NOS1AP: variants seen among roughly 807,000 people sequenced by gnomAD.
The protein encoded by NOS1AP is nitric oxide synthase 1 adaptor protein.
In NOS1AP, 21 loss-of-function variants were observed where a neutral mutation model predicts 56.2. The observed-to-expected ratio is 0.37, with a 90% CI of 0.26 to 0.54. The LOEUF is 0.54. NOS1AP is among the 20% of genes least tolerant of loss of function. NOS1AP has a pLI of 0.84. For missense variants in NOS1AP, 522 were observed against 657.8 expected, an observed-to-expected ratio of 0.79 and a Z score of 2.26; for synonymous variants, 270 against 274.6, an observed-to-expected ratio of 0.98 and a Z score of 0.17.
intron 2 of NOS1AP, among the ~76,000 whole-genome samples, chr1:162,240,015 CT>C (rs1477543464): frequency 6.6e-6 from 1 of 152,176 alleles, no homozygotes; most frequent in Non-Finnish European, 1.5e-5. Context: ...TTCCCAGTGC[CT>C]GGATTGGTGC....
intron 2 of NOS1AP, among the ~76,000 whole-genome samples, chr1:162,258,073 C>T (rs73019425): frequency 6.6e-6 from 1 of 152,036 alleles, no homozygotes; most frequent in Non-Finnish European, 1.5e-5. Flanking sequence ...AATGTACAGG[C>T]CTGTTTGCTT....
At chr1:162,268,690 A>G (rs1654496231) in intron 2 of NOS1AP, among the ~76,000 whole-genome samples, 2 of 152,326 alleles carry the variant, frequency 1.3e-5, no homozygotes, top group South Asian at 4.1e-4. Flanking sequence ...AGAAAATAGA[A>G]TTAAGACACT....
intron 2 of NOS1AP, among the ~76,000 whole-genome samples, chr1:162,223,016 T>G (rs1652833328): frequency 6.6e-6 from 1 of 152,264 alleles, no homozygotes; most frequent in African/African-American, 2.4e-5. Flanking sequence ...TCAGCTCATT[T>G]ATTGGTAATA....
intron 1 of NOS1AP, among the ~76,000 whole-genome samples, chr1:162,153,509 T>G (rs1571069688): frequency 1.3e-5 from 2 of 152,192 alleles, no homozygotes; most frequent in East Asian, 3.8e-4. Flanking sequence ...GGGCTCAAAC[T>G]TGGCTAGATG....
intron 1 of NOS1AP, among the ~76,000 whole-genome samples, chr1:162,093,196 G>T (rs919902027): frequency 1.3e-5 from 2 of 152,138 alleles, no homozygotes; most frequent in African/African-American, 4.8e-5. Flanking sequence ...TCCCCTATCT[G>T]AGCAGGGGAT....
At position 162,070,210 on chromosome 1, in the gene NOS1AP, C is replaced by A; in HGVS notation, c.33C>A (p.Asp11Glu). ...GCAAAACCAAGTACAACCTTGTGGA[C>A]GATGGGCACGACCTGCGGATCCCCT... MPSKTKYNLVDDGHDLRIPLH... is the reference protein window; with the variant it reads MPSKTKYNLVEDGHDLRIPLH... Residue 11 changes from aspartate to glutamate, a missense_variant, in exon 1 of 10, where the codon GAC (aspartate) becomes GAA (glutamate). By Grantham distance (45) the Asp-to-Glu change is conservative. Transcript: ENST00000361897. 7 of 1,614,078 alleles carry A rather than the reference C, an allele frequency of 4.3e-6. No homozygotes were observed. Among genetic ancestry groups the A allele is most frequent in the Non-Finnish European group, 5.9e-6 (7 of 1,179,958 alleles).
chr1:162,117,411 T>C (rs1011980912), intron 1 of NOS1AP, among the ~76,000 whole-genome samples: 9 of 152,154 alleles, frequency 5.9e-5, no homozygotes, highest in African/African-American at 1.7e-4. Flanking sequence ...CAATTTGCCA[T>C]TAGTGTTTCT....
At chr1:162,205,919 TA>T (rs1652147681) in intron 2 of NOS1AP, among the ~76,000 whole-genome samples, 1 of 152,216 alleles carries the variant, frequency 6.6e-6, no homozygotes, top group Non-Finnish European at 1.5e-5. Context: ...AGCCTTGTTA[TA>T]CTGCTACTCT....
intron 8 of NOS1AP, among the ~76,000 whole-genome samples, chr1:162,361,389 G>A (rs184931055): frequency 4.6e-5 from 7 of 152,288 alleles, no homozygotes; most frequent in Admixed American, 2.0e-4. Context: ...AAGGTTTCAC[G>A]TAACGCTGCC....
chr1:162,186,423 A>C (rs111269125), intron 2 of NOS1AP, among the ~76,000 whole-genome samples: 188 of 152,150 alleles, frequency 1.2e-3, no homozygotes, highest in Middle Eastern at 3.4e-3. Flanking sequence ...CAAAACAAAA[A>C]AAAACAAAAA....
In NOS1AP at chr1:162,112,176, T is replaced by C. The variant is rs866812031; in HGVS notation, c.105+41894T>C. Among the ~76,000 whole-genome samples, 9 of 152,222 alleles carry C rather than the reference T, an allele frequency of 5.9e-5. No individual in the cohort carries two copies. In the South Asian group the frequency reaches 8.3e-4, roughly 14 times the overall value. ...TGTAATCACACTTCTCAGATCTGCCTCCTTGTCATCAGCCTACCTCCCTCT... is the reference window on the plus strand; with the variant it reads ...TGTAATCACACTTCTCAGATCTGCCCCCTTGTCATCAGCCTACCTCCCTCT... On this transcript the variant is annotated intron_variant, in intron 1 of 9. Coordinates refer to ENST00000361897, the MANE Select transcript of NOS1AP (RefSeq NM_014697.3).
intron 1 of NOS1AP, among the ~76,000 whole-genome samples, chr1:162,109,297 T>C (rs1647625237): frequency 6.6e-6 from 1 of 152,164 alleles, no homozygotes; most frequent in African/African-American, 2.4e-5. Flanking sequence ...TTTAACAATT[T>C]TGAGACAACC....
At chr1:162,177,787 T>G (rs1444070991) in intron 2 of NOS1AP, among the ~76,000 whole-genome samples, 1 of 152,202 alleles carries the variant, frequency 6.6e-6, no homozygotes, top group African/African-American at 2.4e-5. Context: ...TCCCCCACTT[T>G]AAACATTCCA....
chr1:162,112,058 G>A (rs1430782627), intron 1 of NOS1AP, among the ~76,000 whole-genome samples: 1 of 152,210 alleles, frequency 6.6e-6, no homozygotes, highest in Non-Finnish European at 1.5e-5. Flanking sequence ...TCTGCAGCCT[G>A]TGGTCACTGA....
intron 7 of NOS1AP, 55 bp from the exon 8 acceptor site, chr1:162,356,905 C>T (rs925153342): frequency 1.9e-6 from 3 of 1,612,454 alleles, no homozygotes; most frequent in African/African-American, 2.7e-5. Context: ...GAGAGGGAGG[C>T]CCCTCAAGAT....
At chr1:162,317,741 A>G (rs1656276692) in intron 4 of NOS1AP, 1 of 152,240 alleles carries the variant, frequency 6.6e-6, no homozygotes. Flanking sequence ...TTTTGATTTC[A>G]CGTACTGTCC....
chr1:162,191,049 G>A (rs1032646074), intron 2 of NOS1AP, among the ~76,000 whole-genome samples: 1 of 152,090 alleles, frequency 6.6e-6, no homozygotes, highest in Non-Finnish European at 1.5e-5. Flanking sequence ...ATGGGCAGGG[G>A]CCCTGTGTGG....
Position 162,356,836 on chromosome 1 carries a change from G to A in NOS1AP, c.763-124G>A, listed in dbSNP as rs187108195. 91 of 1,595,428 alleles carry A rather than the reference G, an allele frequency of 5.7e-5. No homozygotes were observed. The East Asian group carries it at 1.9e-3, about 33-fold the overall frequency. On this transcript the variant is annotated intron_variant, in intron 7 of 9. Coordinates refer to ENST00000361897, the MANE Select transcript of NOS1AP (RefSeq NM_014697.3). Reference sequence around the variant, plus strand: ...TACTCCCATTTCCATTGAAGATATAGTGCTGTCAGCTTATGGGTTGTAAGT... The same window carrying A: ...TACTCCCATTTCCATTGAAGATATAATGCTGTCAGCTTATGGGTTGTAAGT...
At chr1:162,351,862 C>T (rs1262417592) in intron 6 of NOS1AP, among the ~76,000 whole-genome samples, 2 of 152,138 alleles carry the variant, frequency 1.3e-5, no homozygotes, top group East Asian at 3.9e-4. Flanking sequence ...TCTTTTCAAC[C>T]TCCAGTAATC....
Sources: allele counts gnomAD v4.1 joint callset (sites outside exome capture counted in the v4.1 genomes callset), GRCh38; gene constraint gnomAD v4.1.1; transcripts MANE v1.5; gene names NCBI Gene and HGNC (gene_info 2026-07-23, HGNC 2026-07-21).